FANCC: variants seen among roughly 807,000 people sequenced by gnomAD.
The protein encoded by FANCC is FA complementation group C.
In FANCC, 55 loss-of-function variants were observed where a neutral mutation model predicts 71.3. The observed-to-expected ratio is 0.77, with a 90% CI of 0.62 to 0.97. The LOEUF is 0.97. FANCC is among the 50% of genes least tolerant of loss of function. The pLI is 0.00. For missense variants in FANCC, 678 were observed against 670.9 expected (o/e 1.01, Z -0.12); for synonymous variants, 275 against 244.9 (o/e 1.12, Z -1.15).
chr9:95,301,712 T>C (rs1834742782), intron 1 of FANCC, among the ~76,000 whole-genome samples: 1 of 151,970 alleles, frequency 6.6e-6, no homozygotes, highest in African/African-American at 2.4e-5. Context: ...CTGCCTGGGA[T>C]TTGTTGTTGT....
intron 1 of FANCC, chr9:95,292,909 G>T (rs150559168): frequency 1.3e-6 from 2 of 1,582,448 alleles, no homozygotes; most frequent in Non-Finnish European, 1.7e-6. Flanking sequence ...AAGACCTTCC[G>T]GTGCACATGC....
At chr9:95,206,000 C>T (rs1363911556) in intron 4 of FANCC, among the ~76,000 whole-genome samples, 1 of 152,118 alleles carries the variant, frequency 6.6e-6, no homozygotes, top group Non-Finnish European at 1.5e-5. Context: ...AGCAAAATAT[C>T]CTACCGGTCA....
intron 1 of FANCC, among the ~76,000 whole-genome samples, chr9:95,291,878 G>A (rs1214180899): frequency 6.8e-6 from 1 of 147,820 alleles, no homozygotes; most frequent in Non-Finnish European, 1.5e-5. Context: ...AACCCAGGAG[G>A]TGGAGGATGC....
chr9:95,223,902 G>A (rs537593393), intron 4 of FANCC, among the ~76,000 whole-genome samples: 3 of 152,320 alleles, frequency 2.0e-5, no homozygotes, highest in Admixed American at 6.5e-5. Flanking sequence ...GCTTGAACCC[G>A]GGAGGCAGAA....
chr9:95,185,624 C>T (rs2135704711), intron 4 of FANCC, among the ~76,000 whole-genome samples: 1 of 152,294 alleles, frequency 6.6e-6, no homozygotes, highest in Non-Finnish European at 1.5e-5. Context: ...CTTATTAGGG[C>T]ACGACAGATT....
chr9:95,255,311 G>A (rs983445935), intron 1 of FANCC, among the ~76,000 whole-genome samples: 6 of 152,032 alleles, frequency 3.9e-5, no homozygotes, highest in Non-Finnish European at 5.9e-5. Context: ...GGAGAGCTCC[G>A]GCTGGCAACT....
At chr9:95,184,581 A>C (rs1232237108) in intron 4 of FANCC, among the ~76,000 whole-genome samples, 2 of 152,220 alleles carry the variant, frequency 1.3e-5, no homozygotes, top group African/African-American at 4.8e-5. Flanking sequence ...GGATCTTAGC[A>C]AGAAAAATTC....
intron 10 of FANCC, among the ~76,000 whole-genome samples, chr9:95,120,882 T>C (rs1249777277): frequency 6.6e-6 from 1 of 152,194 alleles, no homozygotes; most frequent in Non-Finnish European, 1.5e-5. Context: ...AATTTTTTTG[T>C]TCCTTTGGCA....
chr9:95,214,271 A>G (rs1180803503), intron 4 of FANCC, among the ~76,000 whole-genome samples: 2 of 152,132 alleles, frequency 1.3e-5, no homozygotes, highest in African/African-American at 2.4e-5. Flanking sequence ...TACAAAAAAC[A>G]TATTTGGAAA....
At chr9:95,250,817 GTCT>G (rs1831285045) in intron 1 of FANCC, among the ~76,000 whole-genome samples, 1 of 152,220 alleles carries the variant, frequency 6.6e-6, no homozygotes, top group South Asian at 2.1e-4. Flanking sequence ...GGGCCTGCCC[GTCT>G]CCAATTCATT....
chr9:95,181,698 T>C (rs1341943431), intron 4 of FANCC, among the ~76,000 whole-genome samples: 2 of 152,182 alleles, frequency 1.3e-5, no homozygotes, highest in African/African-American at 2.4e-5. Flanking sequence ...GATTTTATCA[T>C]CCTGACCACT....
intron 6 of FANCC, among the ~76,000 whole-genome samples, chr9:95,162,039 G>A (rs774308942): frequency 2.4e-4 from 37 of 151,884 alleles, no homozygotes; most frequent in Non-Finnish European, 4.1e-4. Flanking sequence ...ATGGAGTTTC[G>A]CCGTGTTGGC....
chr9:95,211,780 G>A (rs1828514074), intron 4 of FANCC, among the ~76,000 whole-genome samples: 1 of 151,628 alleles, frequency 6.6e-6, no homozygotes, highest in Admixed American at 6.6e-5. Context: ...CAGAGATGAT[G>A]GAAGTAGTAA....
intron 6 of FANCC, among the ~76,000 whole-genome samples, chr9:95,158,638 C>G (rs1251616171): frequency 1.3e-5 from 2 of 152,120 alleles, no homozygotes; most frequent in Non-Finnish European, 2.9e-5. Flanking sequence ...TATCATGTCA[C>G]CATAAAGTAT....
chr9:95,203,844 T>G (rs1827952939), intron 4 of FANCC, among the ~76,000 whole-genome samples: 1 of 152,214 alleles, frequency 6.6e-6, no homozygotes, highest in African/African-American at 2.4e-5. Flanking sequence ...CGGCATTCAA[T>G]CTGTTGTGAT....
At chr9:95,273,592 G>A (rs1285722883) in intron 1 of FANCC, among the ~76,000 whole-genome samples, 2 of 152,232 alleles carry the variant, frequency 1.3e-5, no homozygotes, top group African/African-American at 4.8e-5. Context: ...TGCCTCTGCT[G>A]TCTCTGCTGT....
chr9:95,229,938 T>G (rs1364501819), intron 4 of FANCC, among the ~76,000 whole-genome samples: 1 of 152,168 alleles, frequency 6.6e-6, no homozygotes, highest in Non-Finnish European at 1.5e-5. Context: ...TTAAATAATT[T>G]TATCCATTCA....
rs533856384 is a variant in FANCC, at chr9:95,247,363, T to C, written c.250+69A>G. ...AAAAAACTAGGAGAAAGGTTCATAA[T>C]GTAAGCCTCTGTGAAACAATGCAAA... On this transcript the variant is annotated intron_variant, in intron 3 of 14. Coordinates refer to ENST00000289081, the MANE Select transcript of FANCC (RefSeq NM_000136.3). 20 of 1,142,746 alleles carry C rather than the reference T, an allele frequency of 1.8e-5. 1 individual carries two copies. The South Asian group carries it at 2.5e-4, about 14-fold the overall frequency. 70.8% of individuals were successfully genotyped at this position (1,142,746 alleles called of 1,614,324 possible). A position where few individuals can be genotyped will look rare whatever the true frequency, so the allele number is the denominator to read the frequency against.
chr9:95,124,525 C>T (rs937989391), intron 10 of FANCC, among the ~76,000 whole-genome samples: 3 of 152,156 alleles, frequency 2.0e-5, no homozygotes, highest in Admixed American at 6.5e-5. Context: ...CTGTGTCTAA[C>T]ACACACCTCC....
Sources: gnomAD v4.1 joint callset for allele counts (sites outside exome capture counted in the v4.1 genomes callset) on GRCh38, gnomAD v4.1.1 for gene constraint, MANE v1.5 for transcripts, NCBI Gene and HGNC (gene_info 2026-07-23, HGNC 2026-07-21) for gene names.